The following LINGO2 variants were observed in gnomAD, a reference collection of about 807,000 sequenced individuals.
LINGO2 encodes the protein leucine rich repeat and Ig domain containing 2.
In LINGO2, 14 loss-of-function variants were observed where a neutral mutation model predicts 30.6. That is an observed-to-expected ratio of 0.46 (90% CI 0.30 to 0.72). The LOEUF (loss-of-function observed/expected upper bound fraction) is 0.72, where lower values mean the gene tolerates loss of function less well. Ranked by LOEUF, LINGO2 falls within the 30% of genes least tolerant of loss-of-function variation. LINGO2 has a pLI of 0.07. For synonymous variants in LINGO2, 317 were observed against 288.5 expected, an observed-to-expected ratio of 1.10 and a Z score of -1.00; for missense variants, 729 against 751.7, an observed-to-expected ratio of 0.97 and a Z score of 0.35.
At chr9:29,166,117 C>T in the LINGO2 span, among the ~76,000 whole-genome samples, 4 of 152,012 alleles carry the variant, frequency 2.6e-5, no homozygotes, top group African/African-American at 9.7e-5. Flanking sequence ...ACTGCAGTGT[C>T]AAATTTTAAG....
the LINGO2 span, among the ~76,000 whole-genome samples, chr9:28,985,784 G>A: frequency 0.021 from 3,203 of 151,938 alleles, 95 homozygotes; most frequent in African/African-American, 0.072. Flanking sequence ...AGAATGCATC[G>A]TTTGCAAATA....
At chr9:28,188,617 T>A (rs927496622) in intron 4 of LINGO2, among the ~76,000 whole-genome samples, 1 of 152,120 alleles carries the variant, frequency 6.6e-6, no homozygotes, top group Non-Finnish European at 1.5e-5. Context: ...CTTTTGGATA[T>A]AAGAGGCAGT....
chr9:28,689,086 T>C, the LINGO2 span, among the ~76,000 whole-genome samples: 1 of 152,220 alleles, frequency 6.6e-6, no homozygotes, highest in South Asian at 2.1e-4. Flanking sequence ...TAAGACTGTC[T>C]TGTAATACAG....
At chr9:28,946,693 C>T in the LINGO2 span, among the ~76,000 whole-genome samples, 1 of 152,060 alleles carries the variant, frequency 6.6e-6, no homozygotes, top group Non-Finnish European at 1.5e-5. Flanking sequence ...CTTTCTTTTT[C>T]CCCCCATTAC....
At chr9:28,477,238 G>T (rs574003412) in intron 1 of LINGO2, among the ~76,000 whole-genome samples, 60 of 152,092 alleles carry the variant, frequency 3.9e-4, no homozygotes, top group Non-Finnish European at 6.8e-4. Flanking sequence ...ATTACGTATT[G>T]TTTACACTGT....
At chr9:29,131,727 C>G in the LINGO2 span, among the ~76,000 whole-genome samples, 59 of 152,030 alleles carry the variant, frequency 3.9e-4, no homozygotes, top group East Asian at 0.011. Flanking sequence ...GAGATTAACC[C>G]CCTACATGAT....
At chr9:28,903,905 G>A in the LINGO2 span, among the ~76,000 whole-genome samples, 1 of 74,368 alleles carries the variant, frequency 1.3e-5, no homozygotes, top group Non-Finnish European at 2.9e-5. Flanking sequence ...AGGAAGACAG[G>A]GACAGTGTAA....
Position 28,192,152 on chromosome 9 carries a change from C to T in LINGO2, c.-87+103056G>A, listed in dbSNP as rs573993888. Among the ~76,000 whole-genome samples, 5 of 152,152 alleles carry T rather than the reference C, an allele frequency of 3.3e-5. No homozygotes were observed. The East Asian group carries it at 9.7e-4, about 29-fold the overall frequency. ...CATTTCAATATAGCACCACAGTCTT[C>T]TCATTGCTCAAACCTAAGATACCTG... On this transcript the variant is annotated intron_variant, in intron 4 of 5. Coordinates refer to ENST00000379992, the Ensembl canonical transcript of LINGO2.
At chr9:29,207,482 T>G in the LINGO2 span, among the ~76,000 whole-genome samples, 1 of 152,136 alleles carries the variant, frequency 6.6e-6, no homozygotes, top group Non-Finnish European at 1.5e-5. Context: ...ACAAACTCTA[T>G]GGTGCTACCT....
the LINGO2 span, among the ~76,000 whole-genome samples, chr9:28,956,590 C>T: frequency 8.9e-6 from 1 of 112,594 alleles, no homozygotes; most frequent in African/African-American, 3.4e-5. Context: ...CTCCCTCCCC[C>T]TTTCCTTCCT....
chr9:28,826,513 C>T, the LINGO2 span, among the ~76,000 whole-genome samples: 1 of 151,998 alleles, frequency 6.6e-6, no homozygotes, highest in African/African-American at 2.4e-5. Flanking sequence ...CACAGGCCTG[C>T]CAAAAGCCTC....
At chr9:28,214,514 CT>C in intron 4 of LINGO2, among the ~76,000 whole-genome samples, 1 of 151,538 alleles carries the variant, frequency 6.6e-6, no homozygotes, top group East Asian at 1.9e-4. Context: ...CCTCAGGGAG[CT>C]TTTCCAACTC....
intron 5 of LINGO2, among the ~76,000 whole-genome samples, chr9:27,988,190 T>A (rs924893938): frequency 7.9e-5 from 12 of 152,098 alleles, no homozygotes; most frequent in African/African-American, 2.9e-4. Flanking sequence ...ACTCATTTTT[T>A]ATGGCTGCAT....
At chr9:28,989,843 T>C in the LINGO2 span, among the ~76,000 whole-genome samples, 11 of 152,194 alleles carry the variant, frequency 7.2e-5, no homozygotes, top group Non-Finnish European at 1.5e-4. Flanking sequence ...AATTCTCTAC[T>C]TTCTGGCTGG....
the LINGO2 span, among the ~76,000 whole-genome samples, chr9:29,028,458 G>C: frequency 6.6e-6 from 1 of 150,864 alleles, no homozygotes; most frequent in Non-Finnish European, 1.5e-5. Context: ...CACAGAGAGA[G>C]ACAGAGAGAG....
chr9:28,593,224 T>C (rs1295453134), intron 1 of LINGO2, among the ~76,000 whole-genome samples: 1 of 152,108 alleles, frequency 6.6e-6, no homozygotes, highest in Non-Finnish European at 1.5e-5. Flanking sequence ...AAAGCTATCA[T>C]TCATTAAGCA....
chr9:28,594,582 A>G (rs1351164664), intron 1 of LINGO2, among the ~76,000 whole-genome samples: 2 of 152,136 alleles, frequency 1.3e-5, no homozygotes, highest in Non-Finnish European at 2.9e-5. Context: ...GTTGTTTGCT[A>G]AAGTGAAGTC....
At chr9:29,061,807 A>G in the LINGO2 span, among the ~76,000 whole-genome samples, 1 of 152,228 alleles carries the variant, frequency 6.6e-6, no homozygotes, top group Non-Finnish European at 1.5e-5. Context: ...CACAGGCAAT[A>G]AAACAAAGAC....
chr9:28,687,524 A>AAG, the LINGO2 span, among the ~76,000 whole-genome samples: 13 of 152,050 alleles, frequency 8.5e-5, no homozygotes, highest in East Asian at 7.7e-4. Context: ...CTTCTGAAGA[A>AAG]AGAGAGAGAG....
Sources: gnomAD v4.1 joint callset for allele counts (sites outside exome capture counted in the v4.1 genomes callset) on GRCh38, gnomAD v4.1.1 for gene constraint, MANE v1.5 for transcripts, NCBI Gene and HGNC (gene_info 2026-07-23, HGNC 2026-07-21) for gene names.